Variants in TSPAN12 observed in about 807,000 individuals in gnomAD.
TSPAN12 encodes the protein tetraspanin 12, also known as tetraspanin-12.
A neutral mutation model predicts 39.2 loss-of-function variants in TSPAN12; 19 were observed. The observed-to-expected ratio is 0.49, with a 90% CI of 0.34 to 0.71. The LOEUF is 0.71. TSPAN12 is among the 30% of genes least tolerant of loss of function. The probability of loss-of-function intolerance (pLI) is 0.01; values close to 1 mark genes in which losing one functional copy is unlikely to be tolerated. For missense variants in TSPAN12, 314 were observed against 359.9 expected (o/e 0.87, Z 1.03); for synonymous variants, 119 against 124.8 (o/e 0.95, Z 0.31).
chr7:120,855,523 G>T (rs6958947), intron 2 of TSPAN12, among the ~76,000 whole-genome samples: 1 of 151,964 alleles, frequency 6.6e-6, no homozygotes. Flanking sequence ...TAAAAATCAA[G>T]CTTTTAAGAA....
intron 7 of TSPAN12, among the ~76,000 whole-genome samples, chr7:120,798,943 G>A (rs1241374615): frequency 6.6e-6 from 1 of 152,138 alleles, no homozygotes; most frequent in East Asian, 1.9e-4. Context: ...CAATCATAAA[G>A]ACAATAGCAA....
intron 7 of TSPAN12, among the ~76,000 whole-genome samples, chr7:120,804,010 C>T (rs916609269): frequency 3.3e-5 from 5 of 151,998 alleles, no homozygotes; most frequent in South Asian, 2.1e-4. Flanking sequence ...TGGGAAGATC[C>T]GGTAAGTTGA....
At position 120,788,733 on chromosome 7, in the gene TSPAN12, T is replaced by C; in HGVS notation, c.777A>G (p.Gln259=). 1 of 1,614,112 alleles carries C rather than the reference T, an allele frequency of 6.2e-7. No homozygotes were observed. The highest frequency in any genetic ancestry group is 1.3e-5 in the African/African-American group (1 of 75,030). The change falls in exon 8 of 8, where the codon CAA becomes CAG. Residue 259 remains glutamine, a synonymous_variant. Transcript: ENST00000222747. ...AGTTGTCATTCTTCAAGGACATCATTTGGTCTGTCCCCGGCTCCCTTCTAT... is the reference window on the plus strand; with the variant it reads ...AGTTGTCATTCTTCAAGGACATCATCTGGTCTGTCCCCGGCTCCCTTCTAT... ...YYDRREPGTD[Q]MMSLKNDNSQ...
chr7:120,832,494 C>G (rs763226700), intron 4 of TSPAN12, among the ~76,000 whole-genome samples: 1 of 152,062 alleles, frequency 6.6e-6, no homozygotes, highest in Non-Finnish European at 1.5e-5. Context: ...TGTAAATCTT[C>G]TTCCTTCCTC....
chr7:120,805,314 T>C (rs1362052993), intron 7 of TSPAN12, among the ~76,000 whole-genome samples: 1 of 152,088 alleles, frequency 6.6e-6, no homozygotes, highest in Non-Finnish European at 1.5e-5. Context: ...AATTAATTAA[T>C]TTACAATATA....
At chr7:120,826,572 A>T (rs895100644) in intron 4 of TSPAN12, among the ~76,000 whole-genome samples, 8 of 152,148 alleles carry the variant, frequency 5.3e-5, no homozygotes, top group Non-Finnish European at 8.8e-5. Context: ...AACAGGAAGG[A>T]GCCTTAGCAA....
intron 7 of TSPAN12, among the ~76,000 whole-genome samples, chr7:120,797,558 G>A (rs776645581): frequency 2.0e-4 from 30 of 152,160 alleles, no homozygotes; most frequent in African/African-American, 3.1e-4. Flanking sequence ...TTCTGCCTCC[G>A]AAGCTCATAT....
chr7:120,793,021 A>C (rs1793561711), intron 7 of TSPAN12, among the ~76,000 whole-genome samples: 1 of 152,192 alleles, frequency 6.6e-6, no homozygotes. Context: ...CCTTCTTTGT[A>C]AGGATGCACT....
intron 4 of TSPAN12, among the ~76,000 whole-genome samples, chr7:120,816,242 A>G (rs1199259537): frequency 6.6e-6 from 1 of 152,146 alleles, no homozygotes; most frequent in African/African-American, 2.4e-5. Context: ...GCATTCTTGG[A>G]AAAAGCACAA....
At chr7:120,795,628 T>C (rs1009152569) in intron 7 of TSPAN12, among the ~76,000 whole-genome samples, 6 of 152,320 alleles carry the variant, frequency 3.9e-5, no homozygotes, top group South Asian at 4.1e-4. Flanking sequence ...TACATGCCAA[T>C]ATTAATATTT....
intron 7 of TSPAN12, among the ~76,000 whole-genome samples, chr7:120,796,452 ATTG>A (rs1263480549): frequency 6.6e-6 from 1 of 152,202 alleles, no homozygotes; most frequent in Non-Finnish European, 1.5e-5. Context: ...ACCTTAAAAA[ATTG>A]TTGTTATTGT....
At chr7:120,848,528 T>C (rs190209444) in intron 2 of TSPAN12, among the ~76,000 whole-genome samples, 70 of 152,354 alleles carry the variant, frequency 4.6e-4, no homozygotes, top group African/African-American at 1.3e-3. Context: ...AGAAGAAAGA[T>C]GGTTTCTGAA....
rs1302628666 is a variant in TSPAN12 at position 120,810,475 on chromosome 7, A to G, written c.456T>C (p.Phe152=). 7 of 1,612,116 alleles carry G rather than the reference A, an allele frequency of 4.3e-6. No individual in the cohort carries two copies. Among genetic ancestry groups the G allele is most frequent in the Non-Finnish European group, 1.7e-6 (2 of 1,178,394 alleles). Residue 152 remains phenylalanine, a synonymous_variant, in exon 6 of 8, where the codon TTT becomes TTC. Transcript: ENST00000222747. ...RYRWLTHAWN[F]FQREFKCCGV... ...TTGTAGCACTTACCTCTCTCTGAAA[A>G]AAATTCCAAGCATGAGTAAGCCACC...
At chr7:120,851,996 T>C (rs887848135) in intron 2 of TSPAN12, among the ~76,000 whole-genome samples, 21 of 152,362 alleles carry the variant, frequency 1.4e-4, no homozygotes, top group African/African-American at 4.6e-4. Context: ...TGATCTTGAA[T>C]GTGCTATGGA....
At chr7:120,845,859 C>A (rs1385436869) in intron 2 of TSPAN12, among the ~76,000 whole-genome samples, 1 of 152,200 alleles carries the variant, frequency 6.6e-6, no homozygotes, top group South Asian at 2.1e-4. Context: ...GTTACAAAGC[C>A]ACTTTCACAT....
At chr7:120,831,667 G>T (rs1041897916) in intron 4 of TSPAN12, among the ~76,000 whole-genome samples, 23 of 151,978 alleles carry the variant, frequency 1.5e-4, no homozygotes, top group Admixed American at 1.5e-3. Flanking sequence ...GAGGGTGAAA[G>T]GATGATTAAT....
Position 120,792,967 on chromosome 7 carries a change from G to A in TSPAN12, c.613-4070C>T, listed in dbSNP as rs148847307. 3.6e-4 allele frequency among the ~76,000 whole-genome samples: 55 copies of A among 152,260 alleles called. No individual in the cohort carries two copies. In the East Asian group the frequency reaches 7.1e-3, roughly 20 times the overall value. On this transcript the variant is annotated intron_variant, in intron 7 of 7. Coordinates refer to ENST00000222747, the MANE Select transcript of TSPAN12 (RefSeq NM_012338.4). ...CTCACTAGACAGCCCTGTCCACACC[G>A]GAACAACACTAATTTTTAACAAGCA...
chr7:120,833,990 G>A (rs1157094230), intron 4 of TSPAN12, among the ~76,000 whole-genome samples: 1 of 152,056 alleles, frequency 6.6e-6, no homozygotes, highest in African/African-American at 2.4e-5. Context: ...GAAAGGCATG[G>A]CATATTCCAG....
intron 1 of TSPAN12, chr7:120,857,045 GGAAAA>G: frequency 1.9e-6 from 1 of 525,176 alleles, no homozygotes; most frequent in Non-Finnish European, 3.4e-6. Context: ...ACACCTGCTG[GGAAAA>G]GAAAAGAGCA....
Sources: allele counts gnomAD v4.1 joint callset (sites outside exome capture counted in the v4.1 genomes callset), GRCh38; gene constraint gnomAD v4.1.1; transcripts MANE v1.5; gene names NCBI Gene and HGNC (gene_info 2026-07-23, HGNC 2026-07-21).